MDGA2: variants seen among roughly 807,000 people sequenced by gnomAD.
MDGA2 encodes MAM domain-containing glycosylphosphatidylinositol anchor protein 2.
In MDGA2, 40 loss-of-function variants were observed where a neutral mutation model predicts 117.8. The observed-to-expected ratio is 0.34, with a 90% confidence interval of 0.26 to 0.44. The LOEUF is 0.44. MDGA2 is among the 20% of genes least tolerant of loss of function. The pLI is 1.00. For missense variants in MDGA2, 1,123 were observed against 1,250.6 expected, an observed-to-expected ratio of 0.90 and a Z score of 1.54; for synonymous variants, 452 against 439.0, an observed-to-expected ratio of 1.03 and a Z score of -0.37.
intron 1 of MDGA2, among the ~76,000 whole-genome samples, chr14:47,318,375 T>C (rs1889872587): frequency 6.6e-6 from 1 of 152,116 alleles, no homozygotes; most frequent in Non-Finnish European, 1.5e-5. Context: ...ATGCATGTTG[T>C]TCTCCCTAGT....
At chr14:47,330,352 T>G (rs1890258698) in intron 1 of MDGA2, among the ~76,000 whole-genome samples, 1 of 151,934 alleles carries the variant, frequency 6.6e-6, no homozygotes, top group African/African-American at 2.4e-5. Context: ...ATGCCATAGT[T>G]TGTGCTATGT....
At chr14:47,247,141 A>C (rs8006007) in intron 2 of MDGA2, among the ~76,000 whole-genome samples, 42,087 of 151,436 alleles carry the variant, frequency 0.28, 7,243 homozygotes, top group Admixed American at 0.47. Context: ...GGCCACAAGG[A>C]AAATTTAAAC....
At chr14:47,266,714 A>G (rs1409844842) in intron 2 of MDGA2, among the ~76,000 whole-genome samples, 1 of 152,136 alleles carries the variant, frequency 6.6e-6, no homozygotes, top group Non-Finnish European at 1.5e-5. Context: ...GAAGGTGTCA[A>G]GCTCTCACCA....
intron 1 of MDGA2, among the ~76,000 whole-genome samples, chr14:47,415,622 G>GCTAAC (rs1486680801): frequency 9.2e-5 from 14 of 152,238 alleles, no homozygotes; most frequent in Admixed American, 5.9e-4. Context: ...CTGCAGTCCT[G>GCTAAC]CTAACCCCAA....
intron 4 of MDGA2, among the ~76,000 whole-genome samples, chr14:47,134,938 A>G (rs553947212): frequency 4.6e-5 from 7 of 151,998 alleles, no homozygotes; most frequent in Non-Finnish European, 7.4e-5. Flanking sequence ...ATTTAGATGT[A>G]TATTTAATAA....
chr14:47,255,126 A>G (rs980284313), intron 2 of MDGA2, among the ~76,000 whole-genome samples: 2 of 152,034 alleles, frequency 1.3e-5, no homozygotes, highest in East Asian at 1.9e-4. Flanking sequence ...AACATGTGAC[A>G]TATTACCCAT....
intron 8 of MDGA2, among the ~76,000 whole-genome samples, chr14:47,028,579 T>C (rs572499732): frequency 6.6e-6 from 1 of 152,248 alleles, no homozygotes; most frequent in Non-Finnish European, 1.5e-5. Context: ...AATGCTAGTG[T>C]CCATGGAGCT....
chr14:47,104,997 T>G (rs1335031300), intron 5 of MDGA2, among the ~76,000 whole-genome samples: 2 of 152,144 alleles, frequency 1.3e-5, no homozygotes, highest in Non-Finnish European at 2.9e-5. Context: ...AACCCAAAAC[T>G]CCGGCACCGG....
At chr14:47,195,106 C>T (rs1287906828) in intron 3 of MDGA2, among the ~76,000 whole-genome samples, 1 of 151,948 alleles carries the variant, frequency 6.6e-6, no homozygotes, top group South Asian at 2.1e-4. Flanking sequence ...AATGATAGTA[C>T]ATATTCTATT....
intron 2 of MDGA2, among the ~76,000 whole-genome samples, chr14:47,265,060 C>T (rs1032425415): frequency 2.0e-5 from 3 of 152,014 alleles, no homozygotes; most frequent in Admixed American, 6.6e-5. Flanking sequence ...CAAAAAGCTT[C>T]GATTTGTAGC....
rs144822731 is a variant in MDGA2, at chr14:47,233,272, T to C, written c.421-15077A>G. 2.6e-5 allele frequency among the ~76,000 whole-genome samples: 4 copies of C among 152,222 alleles called. No individual in the cohort carries two copies. The East Asian group carries it at 7.7e-4, about 29-fold the overall frequency. On this transcript the variant is annotated intron_variant, in intron 2 of 16. Transcript: ENST00000399232. ...CAATATTTACAATCATTAGACCTTATAACTGAGAGAACTGCATATAAAACA... is the reference window on the plus strand; with the variant it reads ...CAATATTTACAATCATTAGACCTTACAACTGAGAGAACTGCATATAAAACA...
chr14:47,425,262 A>G (rs1892663938), intron 1 of MDGA2, among the ~76,000 whole-genome samples: 1 of 152,168 alleles, frequency 6.6e-6, no homozygotes, highest in Non-Finnish European at 1.5e-5. Context: ...GGAGATATTC[A>G]TTTTTAGCAC....
chr14:47,582,259 C>G (rs758993173), intron 1 of MDGA2, among the ~76,000 whole-genome samples: 3 of 151,832 alleles, frequency 2.0e-5, no homozygotes, highest in Non-Finnish European at 4.4e-5. Context: ...GCTCTTCCAA[C>G]GGCCAGTCCT....
intron 1 of MDGA2, among the ~76,000 whole-genome samples, chr14:47,430,649 G>A (rs917160182): frequency 3.3e-5 from 5 of 151,966 alleles, no homozygotes; most frequent in African/African-American, 7.2e-5. Flanking sequence ...ACCAATAATA[G>A]AGCAGCTTAA....
intron 1 of MDGA2, among the ~76,000 whole-genome samples, chr14:47,450,724 A>C (rs1354730676): frequency 6.6e-6 from 1 of 151,810 alleles, no homozygotes; most frequent in Non-Finnish European, 1.5e-5. Flanking sequence ...ATTAGTTAAT[A>C]TGAATAAGGA....
chr14:46,858,492 A>G (rs1429100390), intron 14 of MDGA2, among the ~76,000 whole-genome samples: 1 of 138,524 alleles, frequency 7.2e-6, no homozygotes, highest in Non-Finnish European at 1.5e-5. Context: ...CAGTGGCGCG[A>G]TCTCGGCTCA....
At chr14:47,341,783 A>C (rs1440293016) in intron 1 of MDGA2, among the ~76,000 whole-genome samples, 2 of 152,156 alleles carry the variant, frequency 1.3e-5, no homozygotes, top group Non-Finnish European at 2.9e-5. Flanking sequence ...GAAGTGGAGA[A>C]AACAGCAGCA....
At chr14:47,470,421 C>G (rs992496548) in intron 1 of MDGA2, among the ~76,000 whole-genome samples, 3 of 152,146 alleles carry the variant, frequency 2.0e-5, no homozygotes, top group Non-Finnish European at 4.4e-5. Flanking sequence ...TAGCTTCATA[C>G]ATGTCCCTGC....
chr14:47,381,783 T>C (rs1891634376), intron 1 of MDGA2, among the ~76,000 whole-genome samples: 1 of 152,192 alleles, frequency 6.6e-6, no homozygotes, highest in Non-Finnish European at 1.5e-5. Context: ...ATGGCCATAC[T>C]GCCCAAGGTA....
Sources: allele counts gnomAD v4.1 joint callset (sites outside exome capture counted in the v4.1 genomes callset), GRCh38; gene constraint gnomAD v4.1.1; transcripts MANE v1.5; gene names NCBI Gene and HGNC (gene_info 2026-07-23, HGNC 2026-07-21).